KCNQ4: variants seen among roughly 807,000 people sequenced by gnomAD.
The protein encoded by KCNQ4 is potassium voltage-gated channel subfamily KQT member 4.
In KCNQ4, 31 loss-of-function variants were observed where a neutral mutation model predicts 72.6. The ratio of observed to expected loss-of-function variants is 0.43; its 90% CI spans 0.32 to 0.58. The LOEUF (loss-of-function observed/expected upper bound fraction) is 0.58, where lower values mean the gene tolerates loss of function less well. Ranked by LOEUF, KCNQ4 falls within the 20% of genes least tolerant of loss-of-function variation. The pLI, the probability that KCNQ4 is intolerant of heterozygous loss-of-function variation, is 0.08. For synonymous variants in KCNQ4, 405 were observed against 403.7 expected, an observed-to-expected ratio of 1.00 and a Z score of -0.04; for missense variants, 869 against 962.6, an observed-to-expected ratio of 0.90 and a Z score of 1.29.
rs766626047 is a variant in KCNQ4 at position 40,784,282 on chromosome 1, C to G, written c.189C>G (p.Ser63=). 2.6e-6 allele frequency: 4 copies of G among 1,552,428 alleles called. No homozygotes were observed. The highest frequency in any genetic ancestry group is 1.9e-5 in the Admixed American group (1 of 52,858). The change falls in exon 1 of 14, where the codon TCC becomes TCG. Residue 63 remains serine (S), a synonymous_variant. Transcript: ENST00000347132. The surrounding 1 kb of genome is among the most constrained non-coding windows in gnomAD (Gnocchi z 4.1). The part of the protein sequence containing the change: ...PPGAPLPGPG[S]GSGSACGQRS... ...GCGCGCCCCTCCCTGGGCCGGGCTC[C>G]GGCTCGGGCTCCGCCTGCGGCCAGC...
intron 1 of KCNQ4, among the ~76,000 whole-genome samples, chr1:40,796,202 C>T (rs771053204): frequency 8.6e-5 from 13 of 151,922 alleles, no homozygotes; most frequent in Non-Finnish European, 1.3e-4. Context: ...TCAGGGGCAC[C>T]GGGTTGGGGT....
chr1:40,804,627 G>C (rs1431411146), intron 1 of KCNQ4, among the ~76,000 whole-genome samples: 2 of 152,008 alleles, frequency 1.3e-5, no homozygotes, highest in African/African-American at 4.8e-5. Flanking sequence ...ACGAGCCCGG[G>C]CAACATGGGG....
At chr1:40,836,597 C>A (rs1302514316) in intron 12 of KCNQ4, among the ~76,000 whole-genome samples, 7 of 152,052 alleles carry the variant, frequency 4.6e-5, no homozygotes, top group Non-Finnish European at 5.9e-5. Flanking sequence ...CAAGAGTGAG[C>A]CTTGGATCCT....
chr1:40,830,868 G>A (rs1648620614), intron 9 of KCNQ4, among the ~76,000 whole-genome samples: 1 of 152,154 alleles, frequency 6.6e-6, no homozygotes, highest in Admixed American at 6.5e-5. Context: ...GATGTGGGTG[G>A]TGGGGAGAGG....
chr1:40,838,329 A>G lies in KCNQ4; in HGVS notation c.1894A>G (p.Lys632Glu). The change falls in exon 14 of 14, where the codon AAG becomes GAG. Residue 632 changes from lysine to glutamate, a missense_variant. By Grantham distance (56) the Lys-to-Glu change is moderately conservative (BLOSUM62 1). Transcript: ENST00000347132. ...TCCCCAGGTGCAGTCCATCGAGCAC[A>G]AGCTGGACCTGCTGTTGGGCTTCTA... ...VEKQVQSIEHKLDLLLGFYSR... is the reference protein window; with the variant it reads ...VEKQVQSIEHELDLLLGFYSR... 1 of 1,613,554 alleles carries G rather than the reference A, an allele frequency of 6.2e-7. No homozygotes were observed. Among genetic ancestry groups the G allele is most frequent in the East Asian group, 2.2e-5 (1 of 44,844 alleles).
chr1:40,828,260 CA>C (rs999381360), intron 9 of KCNQ4, among the ~76,000 whole-genome samples: 2 of 152,186 alleles, frequency 1.3e-5, no homozygotes, highest in Admixed American at 1.3e-4. Flanking sequence ...GCAGGGCAGC[CA>C]CAGTCCAGCC....
chr1:40,838,672 G>A lies in KCNQ4; in HGVS notation c.*149G>A. On this transcript the variant is annotated 3_prime_UTR_variant, in exon 14 of 14. Transcript: ENST00000347132. Reference sequence around the variant, plus strand: ...GCAGTATTGAGCTGCCTGAGTGGGCGTGGTACCTGCTGTGGGTGCCAGCGC... The same window carrying A: ...GCAGTATTGAGCTGCCTGAGTGGGCATGGTACCTGCTGTGGGTGCCAGCGC... The A allele has an allele frequency of 1.3e-6, 1 of 761,998 alleles. No individual in the cohort carries two copies. Among genetic ancestry groups the A allele is most frequent in the Non-Finnish European group, 2.2e-6 (1 of 448,322 alleles). 47.2% of individuals were successfully genotyped at this position (761,998 alleles called of 1,614,324 possible). A position where few individuals can be genotyped will look rare whatever the true frequency, so the allele number is the denominator to read the frequency against.
At chr1:40,816,368 C>A (rs953516164) in intron 1 of KCNQ4, among the ~76,000 whole-genome samples, 5 of 152,164 alleles carry the variant, frequency 3.3e-5, no homozygotes, top group African/African-American at 1.2e-4. Context: ...CATCCACATA[C>A]CGCAAGGCCA....
chr1:40,830,524 C>T (rs761838770), intron 9 of KCNQ4, among the ~76,000 whole-genome samples: 1 of 152,148 alleles, frequency 6.6e-6, no homozygotes, highest in Non-Finnish European at 1.5e-5. Flanking sequence ...GTACACACAC[C>T]AGTGCCTGTA....
chr1:40,803,513 G>A (rs1647646287), intron 1 of KCNQ4, among the ~76,000 whole-genome samples: 1 of 152,216 alleles, frequency 6.6e-6, no homozygotes, highest in African/African-American at 2.4e-5. Context: ...TGGGCCTGCA[G>A]GCTGGGCAGC....
At position 40,818,696 on chromosome 1, in the gene KCNQ4, C is replaced by G. The variant is rs949546878; in HGVS notation, c.708+16C>G. ...GCATAGCAAGGTGAGGCCTGCAAGC[C>G]GCGCGCGGAGACCCGAGGGCGTGTC... On this transcript the variant is annotated intron_variant, in intron 4 of 13. Transcript: ENST00000347132. The G allele has an allele frequency of 3.7e-5, 59 of 1,573,606 alleles. No individual in the cohort carries two copies. The highest frequency in any genetic ancestry group is 4.7e-5 in the Non-Finnish European group (55 of 1,165,016).
chr1:40,808,681 C>T (rs1425158583), intron 1 of KCNQ4, among the ~76,000 whole-genome samples: 1 of 152,190 alleles, frequency 6.6e-6, no homozygotes, highest in Non-Finnish European at 1.5e-5. Flanking sequence ...ATCCTTCCTA[C>T]TCCACACCAG....
chr1:40,797,831 G>C (rs1470895343), intron 1 of KCNQ4, among the ~76,000 whole-genome samples: 1 of 152,132 alleles, frequency 6.6e-6, no homozygotes, highest in Admixed American at 6.5e-5. Context: ...GCAAACTCTG[G>C]CTTGGGGGGA....
chr1:40,788,732 C>T lies in KCNQ4; in HGVS notation c.314+4325C>T, dbSNP rs900654020. 3.3e-5 allele frequency among the ~76,000 whole-genome samples: 5 copies of T among 152,204 alleles called. No homozygotes were observed. The highest frequency in any genetic ancestry group is 7.2e-5 in the African/African-American group (3 of 41,454). On this transcript the variant is annotated intron_variant, in intron 1 of 13. Transcript: ENST00000347132. This position sits in a 1 kb window ranked among gnomAD's most constrained non-coding sequence, Gnocchi z 4.5. ...CATCTGTCCGTCCATCCCAGCACCC[C>T]GCACACAGTCAGCAGGGGGTGGGCA...
At chr1:40,804,357 A>C (rs1354476211) in intron 1 of KCNQ4, among the ~76,000 whole-genome samples, 2 of 152,026 alleles carry the variant, frequency 1.3e-5, no homozygotes, top group South Asian at 2.1e-4. Flanking sequence ...GCCAGGCCCA[A>C]CTCTGTCTCT....
chr1:40,798,679 C>T (rs572219579), intron 1 of KCNQ4, among the ~76,000 whole-genome samples: 14 of 152,304 alleles, frequency 9.2e-5, no homozygotes, highest in African/African-American at 2.6e-4. Flanking sequence ...GCGCTCTCAG[C>T]GAAAATCAGT....
intron 1 of KCNQ4, among the ~76,000 whole-genome samples, chr1:40,803,884 G>A (rs972279896): frequency 3.3e-5 from 5 of 152,174 alleles, no homozygotes; most frequent in Non-Finnish European, 7.3e-5. Context: ...GTCCTCAATG[G>A]CTGAGTCTAC....
chr1:40,801,181 A>C (rs1470463964), intron 1 of KCNQ4, among the ~76,000 whole-genome samples: 5 of 102,144 alleles, frequency 4.9e-5, no homozygotes, highest in South Asian at 3.2e-4. Flanking sequence ...GCTGGGGGGA[A>C]GGGGAATGGG....
chr1:40,786,780 G>T (rs1198381995), intron 1 of KCNQ4, among the ~76,000 whole-genome samples: 1 of 152,102 alleles, frequency 6.6e-6, no homozygotes, highest in African/African-American at 2.4e-5. Flanking sequence ...TAAGCTCCAG[G>T]GGCCTGTCTG....
Sources: allele counts gnomAD v4.1 joint callset (sites outside exome capture counted in the v4.1 genomes callset), GRCh38; gene constraint gnomAD v4.1.1; non-coding constraint Gnocchi (gnomAD v3.1); transcripts MANE v1.5; gene names NCBI Gene and HGNC (gene_info 2026-07-23, HGNC 2026-07-21).